The following BUD13 variants were observed in gnomAD, a reference collection of about 807,000 sequenced individuals.
BUD13 encodes BUD13 homolog.
A neutral mutation model predicts 62.5 loss-of-function variants in BUD13; 47 were observed. That is an observed-to-expected ratio of 0.75 (90% CI 0.60 to 0.96). The LOEUF is 0.96. Ranked by LOEUF, BUD13 falls within the 40% of genes least tolerant of loss-of-function variation. The pLI, the probability that BUD13 is intolerant of heterozygous loss-of-function variation, is 0.00. For synonymous variants in BUD13, 293 were observed against 280.1 expected, an observed-to-expected ratio of 1.05 and a Z score of -0.46; for missense variants, 821 against 790.9, an observed-to-expected ratio of 1.04 and a Z score of -0.46.
chr11:116,764,074 T>C (rs1018184678), intron 3 of BUD13, among the ~76,000 whole-genome samples: 3 of 152,248 alleles, frequency 2.0e-5, no homozygotes, highest in Non-Finnish European at 2.9e-5. Flanking sequence ...CAGCTCTATT[T>C]GACTCCAGAG....
chr11:116,750,348 A>C (rs1210195312), intron 9 of BUD13, among the ~76,000 whole-genome samples: 1 of 152,200 alleles, frequency 6.6e-6, no homozygotes, highest in Non-Finnish European at 1.5e-5. Context: ...ATTACCATGC[A>C]TTCTCTTGGT....
At chr11:116,749,525 G>A (rs958307932) in intron 9 of BUD13, among the ~76,000 whole-genome samples, 2 of 152,126 alleles carry the variant, frequency 1.3e-5, no homozygotes, top group Non-Finnish European at 2.9e-5. Flanking sequence ...GGTCATTTCA[G>A]AACAGAATGA....
Position 116,757,936 on chromosome 11 carries a change from C to T in BUD13, c.1514G>A (p.Arg505Gln), listed in dbSNP as rs1156761722. 17 of 1,613,650 alleles carry T rather than the reference C, an allele frequency of 1.1e-5. No individual in the cohort carries two copies. The highest frequency in any genetic ancestry group is 3.3e-5 in the South Asian group (3 of 91,050). ...AQWGKGLAQS[R>Q]QQQQNVEDAM... Reference sequence around the variant, plus strand: ...ATCCTCCACATTTTGTTGCTGTTGCCGGCTCTGGGCAAGCCTGGGCAAAAA... The same window carrying T: ...ATCCTCCACATTTTGTTGCTGTTGCTGGCTCTGGGCAAGCCTGGGCAAAAA... The change falls in exon 8 of 10, where the codon CGG becomes CAG. Residue 505 changes from arginine to glutamine, a missense_variant. Around this residue, in one of 2 missense-constraint regions of BUD13, gnomAD observed 800 missense variants for 739.2 expected, o/e 1.08. Transcript: ENST00000260210.
intron 1 of BUD13, 120 bp downstream of exon 1, chr11:116,772,702 G>A (rs915942894): frequency 7.5e-7 from 1 of 1,324,516 alleles, no homozygotes; most frequent in Non-Finnish European, 9.8e-7. Context: ...AGCATGAGCA[G>A]GGGTCGGCGG....
At chr11:116,766,573 AT>A (rs1940532851) in intron 2 of BUD13, among the ~76,000 whole-genome samples, 1 of 152,256 alleles carries the variant, frequency 6.6e-6, no homozygotes, top group Non-Finnish European at 1.5e-5. Context: ...TTGGTAAATT[AT>A]TCTAAGCCTC....
At chr11:116,753,148 G>A (rs571403461) in intron 9 of BUD13, among the ~76,000 whole-genome samples, 1 of 152,328 alleles carries the variant, frequency 6.6e-6, no homozygotes, top group South Asian at 2.1e-4. Context: ...TATGTGAAAA[G>A]AGATTTGCTG....
chr11:116,757,205 T>G lies in BUD13; in HGVS notation c.1707A>C (p.Pro569=), dbSNP rs779159111. The G allele has an allele frequency of 5.0e-6, 8 of 1,614,198 alleles. No individual in the cohort carries two copies. The highest frequency in any genetic ancestry group is 5.9e-6 in the Non-Finnish European group (7 of 1,180,002). The change falls in exon 9 of 10, where the codon CCA becomes CCC. Residue 569 remains proline (P), a synonymous_variant. Transcript: ENST00000260210. Reference sequence around the variant, plus strand: ...TATTAAATCTGTTGGGAGGAGGTGCTGGACCACTGTAGCGAGGTCTCACTA... The same window carrying G: ...TATTAAATCTGTTGGGAGGAGGTGCGGGACCACTGTAGCGAGGTCTCACTA... ...NKKVRPRYSG[P]APPPNRFNIW...
intron 5 of BUD13, 148 bp from the exon 6 acceptor site, chr11:116,759,327 A>G: frequency 1.7e-6 from 1 of 583,806 alleles, no homozygotes; most frequent in Non-Finnish European, 3.1e-6. Flanking sequence ...TTACCATAGG[A>G]TTCAAAAACT....
chr11:116,770,126 T>C lies in BUD13; in HGVS notation c.237+3A>G. ...AAATCCTGACAGCCCCAAAGATACA[T>C]ACCACAGGCAAATCTCCATCATCTT... is the stretch of plus-strand genomic sequence containing the variant. On this transcript the variant is annotated splice_donor_region_variant and intron_variant, in intron 2 of 9. Transcript: ENST00000260210. 1 of 1,595,132 alleles carries C rather than the reference T, an allele frequency of 6.3e-7. No individual in the cohort carries two copies. Among genetic ancestry groups the C allele is most frequent in the Non-Finnish European group, 8.6e-7 (1 of 1,166,286 alleles).
At chr11:116,759,814 T>A (rs1461047714) in intron 5 of BUD13, among the ~76,000 whole-genome samples, 2 of 152,084 alleles carry the variant, frequency 1.3e-5, no homozygotes, top group African/African-American at 4.8e-5. Flanking sequence ...AAAAGAAGAA[T>A]CTCACTTCCT....
intron 2 of BUD13, among the ~76,000 whole-genome samples, chr11:116,768,992 G>A (rs888594232): frequency 4.1e-5 from 6 of 144,944 alleles, no homozygotes; most frequent in Non-Finnish European, 8.9e-5. Context: ...TCAAGCCTGG[G>A]CAACACGGTG....
Position 116,748,436 on chromosome 11 carries a change from C to G in BUD13, c.*46G>C. ...CTGTTACCACTGGATATCTCGCTGCCTATGCCCACTACCACAGCCCAGCCA... is the reference window on the plus strand; with the variant it reads ...CTGTTACCACTGGATATCTCGCTGCGTATGCCCACTACCACAGCCCAGCCA... On this transcript the variant is annotated 3_prime_UTR_variant, in exon 10 of 10. Transcript: ENST00000260210. The G allele has an allele frequency of 6.5e-7, 1 of 1,542,118 alleles. No homozygotes were observed.
intron 5 of BUD13, among the ~76,000 whole-genome samples, chr11:116,760,329 A>G (rs1940407084): frequency 6.6e-6 from 1 of 152,242 alleles, no homozygotes; most frequent in Non-Finnish European, 1.5e-5. Context: ...AGAGATATTA[A>G]GCATCTTGCC....
rs1292074462 is a variant in BUD13 at position 116,748,468 on chromosome 11, C to T, written c.*14G>A. ...CACTACCACAGCCCAGCCACCCCCA[C>T]AGCCTCAGGAAAGTTACATATCCTC... On this transcript the variant is annotated 3_prime_UTR_variant, in exon 10 of 10. Transcript: ENST00000260210. 6.2e-7 allele frequency: 1 copy of T among 1,613,646 alleles called. No individual in the cohort carries two copies. The highest frequency in any genetic ancestry group is 8.5e-7 in the Non-Finnish European group (1 of 1,179,516).
chr11:116,765,004 G>A (rs1445186610), intron 3 of BUD13, among the ~76,000 whole-genome samples: 1 of 152,134 alleles, frequency 6.6e-6, no homozygotes, highest in Non-Finnish European at 1.5e-5. Flanking sequence ...GAGGATAGTG[G>A]TAGCTAAAGT....
At chr11:116,751,502 C>T (rs114286132) in intron 9 of BUD13, among the ~76,000 whole-genome samples, 2,144 of 152,164 alleles carry the variant, frequency 0.014, 46 homozygotes, top group African/African-American at 0.048. Context: ...GGTGCTCACG[C>T]CTGTAATCCC....
intron 9 of BUD13, among the ~76,000 whole-genome samples, chr11:116,753,910 A>C (rs1940282660): frequency 6.6e-6 from 1 of 152,262 alleles, no homozygotes; most frequent in Admixed American, 6.5e-5. Context: ...TCTAAGATCT[A>C]AACACCTTGA....
At chr11:116,755,289 T>C (rs1940303460) in intron 9 of BUD13, among the ~76,000 whole-genome samples, 1 of 152,092 alleles carries the variant, frequency 6.6e-6, no homozygotes, top group African/African-American at 2.4e-5. Context: ...ATTTAAAGAG[T>C]TTTGTGATAA....
rs763357412 is a variant in BUD13 at position 116,763,217 on chromosome 11, C to T, written c.372G>A (p.Pro124=). The T allele has an allele frequency of 1.4e-5, 22 of 1,559,722 alleles. No homozygotes were observed. The highest frequency in any genetic ancestry group is 7.3e-5 in the South Asian group (6 of 82,746). Residue 124 remains proline (P), a synonymous_variant, in exon 4 of 10, where the codon CCG becomes CCA. Transcript: ENST00000260210. ...GACGGACCCTCCTAGGAGATGAATC[C>T]GGGGTATCGTGACGAAAATGTCTGT... ...PSNRHFRHDT[P]DSSPRRVRHG...
Sources: allele counts gnomAD v4.1 joint callset (sites outside exome capture counted in the v4.1 genomes callset), GRCh38; gene constraint gnomAD v4.1.1; regional missense constraint gnomAD v4.1.1; transcripts MANE v1.5; gene names NCBI Gene and HGNC (gene_info 2026-07-23, HGNC 2026-07-21).